The following ATP8B1 variants were observed in gnomAD, a reference collection of about 807,000 sequenced individuals.
ATP8B1 encodes the protein phospholipid-transporting ATPase IC.
In ATP8B1, 80 loss-of-function variants were observed where a neutral mutation model predicts 149.9. That is an observed-to-expected ratio of 0.53 (90% CI 0.45 to 0.64). ATP8B1 has a LOEUF of 0.64. Ranked by LOEUF, ATP8B1 falls within the 30% of genes least tolerant of loss-of-function variation. The probability of loss-of-function intolerance (pLI) is 0.00; values close to 1 mark genes in which losing one functional copy is unlikely to be tolerated. For missense variants in ATP8B1, 1,247 were observed against 1,552.6 expected (o/e 0.80, Z 3.31); for synonymous variants, 536 against 562.8 (o/e 0.95, Z 0.67).
At chr18:57,763,676 C>T (rs1011837161) in intron 1 of ATP8B1, among the ~76,000 whole-genome samples, 3 of 151,652 alleles carry the variant, frequency 2.0e-5, no homozygotes, top group South Asian at 4.2e-4. Flanking sequence ...CTTTCTCTTC[C>T]TCTGACACAA....
chr18:57,721,569 C>G (rs1396520911), intron 2 of ATP8B1, among the ~76,000 whole-genome samples: 1 of 151,936 alleles, frequency 6.6e-6, no homozygotes, highest in Non-Finnish European at 1.5e-5. Context: ...TATATGCACC[C>G]AATACAGGAG....
chr18:57,792,636 T>C (rs2080475270), intron 1 of ATP8B1, among the ~76,000 whole-genome samples: 1 of 152,164 alleles, frequency 6.6e-6, no homozygotes. Flanking sequence ...ACAGGATTTC[T>C]GTTAGGGGTG....
intron 1 of ATP8B1, among the ~76,000 whole-genome samples, chr18:57,799,902 G>C (rs2080557678): frequency 6.6e-6 from 1 of 152,060 alleles, no homozygotes; most frequent in Non-Finnish European, 1.5e-5. Context: ...CATGGGAATG[G>C]GGATTCAGGA....
chr18:57,671,616 T>G (rs888767960), intron 16 of ATP8B1, 36 bp from the exon 17 acceptor site: 3 of 1,455,762 alleles, frequency 2.1e-6, no homozygotes, highest in Admixed American at 3.3e-5. Flanking sequence ...ACAACAAAGT[T>G]TGATTTTTTA....
chr18:57,791,925 C>T (rs1312108407), intron 1 of ATP8B1, among the ~76,000 whole-genome samples: 5 of 152,210 alleles, frequency 3.3e-5, no homozygotes, highest in African/African-American at 1.2e-4. Flanking sequence ...AGGGGAAGGG[C>T]ATGTCTGCTT....
chr18:57,672,965 C>A (rs1158314003), intron 16 of ATP8B1, among the ~76,000 whole-genome samples: 7 of 33,696 alleles, frequency 2.1e-4, no homozygotes, highest in Admixed American at 6.1e-4. Context: ...ATACATATAT[C>A]TACATATATA....
At chr18:57,769,394 C>T (rs890588903) in intron 1 of ATP8B1, among the ~76,000 whole-genome samples, 8 of 152,112 alleles carry the variant, frequency 5.3e-5, no homozygotes, top group African/African-American at 1.9e-4. Flanking sequence ...TAGGTATGCC[C>T]GTGCGCCTTC....
At chr18:57,793,408 CT>C (rs1462988444) in intron 1 of ATP8B1, among the ~76,000 whole-genome samples, 5 of 152,040 alleles carry the variant, frequency 3.3e-5, no homozygotes, top group African/African-American at 1.2e-4. Context: ...CCTCACTTGC[CT>C]GGCTTTGCCT....
At chr18:57,764,550 C>T (rs532961991) in intron 1 of ATP8B1, among the ~76,000 whole-genome samples, 1 of 151,880 alleles carries the variant, frequency 6.6e-6, no homozygotes, top group South Asian at 2.1e-4. Context: ...TCCTCAGTAG[C>T]TGTGATTACA....
chr18:57,687,749 GATC>G (rs1379953575), intron 13 of ATP8B1, among the ~76,000 whole-genome samples: 1 of 147,032 alleles, frequency 6.8e-6, no homozygotes, highest in East Asian at 2.0e-4. Flanking sequence ...GGAATTGCTA[GATC>G]ATATAGTAAT....
chr18:57,705,293 C>G (rs773032917), intron 3 of ATP8B1, among the ~76,000 whole-genome samples: 6 of 152,008 alleles, frequency 3.9e-5, no homozygotes, highest in Admixed American at 6.6e-5. Flanking sequence ...ATGGCCAAAG[C>G]CAGGAAAAGT....
intron 2 of ATP8B1, among the ~76,000 whole-genome samples, chr18:57,709,812 TGG>T (rs145064453): frequency 0.035 from 5,329 of 152,024 alleles, 106 homozygotes; most frequent in Middle Eastern, 0.093. Context: ...CCCGAGTAGC[TGG>T]GACTACAGGT....
chr18:57,686,833 A>G (rs1912274775), intron 13 of ATP8B1, among the ~76,000 whole-genome samples: 1 of 152,048 alleles, frequency 6.6e-6, no homozygotes, highest in Non-Finnish European at 1.5e-5. Context: ...ACTGCACACC[A>G]GTCAACCAAT....
At chr18:57,669,761 C>T (rs2122713726) in intron 17 of ATP8B1, among the ~76,000 whole-genome samples, 1 of 152,058 alleles carries the variant, frequency 6.6e-6, no homozygotes, top group East Asian at 1.9e-4. Context: ...GCCATCCTCT[C>T]ACCTCAGCCT....
chr18:57,683,915 A>T, intron 15 of ATP8B1, 121 bp downstream of exon 15: 1 of 1,261,066 alleles, frequency 7.9e-7, no homozygotes, highest in Non-Finnish European at 1.1e-6. Context: ...AGAAATATTC[A>T]CTGCATTCTA....
chr18:57,719,111 C>T (rs1223945551), intron 2 of ATP8B1, among the ~76,000 whole-genome samples: 2 of 152,202 alleles, frequency 1.3e-5, no homozygotes, highest in African/African-American at 4.8e-5. Context: ...AACCTAAAGA[C>T]TCCACCAAAA....
In ATP8B1 at chr18:57,731,690, C is replaced by T. The variant is rs752127332; in HGVS notation, c.118G>A (p.Val40Ile). 5.6e-6 allele frequency: 9 copies of T among 1,614,020 alleles called. 1 individual carries two copies. In the South Asian group the frequency reaches 8.8e-5, roughly 16 times the overall value. The change falls in exon 2 of 28, where the codon GTT becomes ATT. Residue 40 changes from valine (V) to isoleucine (I), a missense_variant. Physicochemically the swap from Val to Ile is conservative, Grantham distance 29. Around this residue, in one of 3 missense-constraint regions of ATP8B1, gnomAD observed 853 missense variants for 1,035.7 expected, o/e 0.82. Transcript: ENST00000648908. ...TTGACTCGGTTTTGTTCTGGTTCAA[C>T]AGCAGACCCCTGGTCATCAAGTTCA... ...EDELDDQGSAVEPEQNRVNRE... is the reference protein window; with the variant it reads ...EDELDDQGSAIEPEQNRVNRE...
chr18:57,663,410 C>T (rs973491341), intron 20 of ATP8B1, among the ~76,000 whole-genome samples: 1 of 152,152 alleles, frequency 6.6e-6, no homozygotes, highest in East Asian at 1.9e-4. Flanking sequence ...GCATGTATCT[C>T]TTTGAGATCC....
chr18:57,706,804 A>G (rs1050711594), intron 2 of ATP8B1, among the ~76,000 whole-genome samples: 5 of 152,228 alleles, frequency 3.3e-5, no homozygotes, highest in African/African-American at 1.2e-4. Flanking sequence ...ACAAAAAGGG[A>G]AATTTGGACA....
Sources: gnomAD v4.1 joint callset for allele counts (sites outside exome capture counted in the v4.1 genomes callset) on GRCh38, gnomAD v4.1.1 for gene constraint, gnomAD v4.1.1 regional missense constraint, MANE v1.5 for transcripts, NCBI Gene and HGNC (gene_info 2026-07-23, HGNC 2026-07-21) for gene names.